The following FAM91A1 variants were observed in gnomAD, a reference collection of about 807,000 sequenced individuals.
The protein encoded by FAM91A1 is family with sequence similarity 91 member A1.
A neutral mutation model predicts 113.5 loss-of-function variants in FAM91A1; 41 were observed. That is an observed-to-expected ratio of 0.36 (90% CI 0.28 to 0.47). The LOEUF (loss-of-function observed/expected upper bound fraction) is 0.47. Ranked by LOEUF, FAM91A1 falls within the 20% of genes least tolerant of loss-of-function variation. The pLI, the probability that FAM91A1 is intolerant of heterozygous loss-of-function variation, is 1.00. For synonymous variants in FAM91A1, 307 were observed against 347.9 expected (o/e 0.88, Z 1.31); for missense variants, 696 against 1,001.2 (o/e 0.70, Z 4.11).
At chr8:123,780,350 A>G in intron 7 of FAM91A1, 130 bp from the exon 8 acceptor site, 1 of 779,650 alleles carries the variant, frequency 1.3e-6, no homozygotes, top group Non-Finnish European at 2.0e-6. Context: ...TTTCTCTTCT[A>G]TTTTACTTTT....
chr8:123,786,786 A>T (rs954491004), intron 12 of FAM91A1, among the ~76,000 whole-genome samples, 176 bp downstream of exon 12: 1 of 152,244 alleles, frequency 6.6e-6, no homozygotes, highest in African/African-American at 2.4e-5. Flanking sequence ...AACTGACAAG[A>T]ATATGGTACC....
chr8:123,808,244 A>G, intron 20 of FAM91A1, 28 bp from the exon 21 acceptor site: 1 of 1,574,692 alleles, frequency 6.4e-7, no homozygotes, highest in Non-Finnish European at 8.7e-7. Flanking sequence ...CTAGAATCCT[A>G]ATATTGTGTA....
chr8:123,782,225 G>A (rs1458061232), intron 8 of FAM91A1, among the ~76,000 whole-genome samples: 1 of 152,166 alleles, frequency 6.6e-6, no homozygotes, highest in Admixed American at 6.6e-5. Context: ...GTAGCTGCTG[G>A]TATTTGGTGG....
chr8:123,786,505 G>C lies in FAM91A1; in HGVS notation c.973G>C (p.Asp325His). The C allele has an allele frequency of 6.2e-7, 1 of 1,612,736 alleles. No individual in the cohort carries two copies. The highest frequency in any genetic ancestry group is 8.5e-7 in the Non-Finnish European group (1 of 1,179,204). The stretch of plus-strand genomic sequence containing the variant: ...ATTCTTCATTAATAGGAGTACCTTA[G>C]ATCCACAGAAGATGCTCTTGTCATG... ...PSVNRLKSTL[D>H]PQKMLLSWDG... The change falls in exon 12 of 24, where the codon GAT becomes CAT. Residue 325 changes from aspartate to histidine, a missense_variant. Transcript: ENST00000334705.
intron 10 of FAM91A1, 21 bp downstream of exon 10, chr8:123,785,140 T>A (rs1228089309): frequency 6.4e-7 from 1 of 1,572,522 alleles, no homozygotes; most frequent in African/African-American, 1.4e-5. Context: ...TTTATACTCA[T>A]TTACTGGTGA....
In FAM91A1 at chr8:123,812,654, A is replaced by G; in HGVS notation, c.2467A>G (p.Ser823Gly). 1.9e-6 allele frequency: 3 copies of G among 1,608,518 alleles called. No homozygotes were observed. The highest frequency in any genetic ancestry group is 2.5e-6 in the Non-Finnish European group (3 of 1,177,922). The change falls in exon 24 of 24, where the codon AGT becomes GGT. Residue 823 changes from serine (S) to glycine (G), a missense_variant. By Grantham distance (56) the Ser-to-Gly change is moderately conservative (BLOSUM62 0). Coordinates refer to ENST00000334705, the MANE Select transcript of FAM91A1 (RefSeq NM_144963.4). Reference sequence around the variant, plus strand: ...TAAAGATGGTGTCTTATCAGAATGGAGTGGACGGTCACCTTCCTCACTTCT... The same window carrying G: ...TAAAGATGGTGTCTTATCAGAATGGGGTGGACGGTCACCTTCCTCACTTCT... ...IFKDGVLSEW[S>G]GRSPSSLLIA...
chr8:123,791,028 C>G (rs1214774212), intron 15 of FAM91A1, among the ~76,000 whole-genome samples: 1 of 152,092 alleles, frequency 6.6e-6, no homozygotes, highest in Non-Finnish European at 1.5e-5. Context: ...ATTTCTGGGA[C>G]TTTTTAGTGA....
intron 8 of FAM91A1, among the ~76,000 whole-genome samples, chr8:123,782,508 TTAAA>T (rs1177215175): frequency 3.3e-5 from 5 of 152,228 alleles, no homozygotes; most frequent in African/African-American, 1.2e-4. Flanking sequence ...GGCTCTATTA[TTAAA>T]TAAATTTATT....
At chr8:123,805,189 C>A in intron 18 of FAM91A1, 78 bp from the exon 19 acceptor site, 1 of 1,144,678 alleles carries the variant, frequency 8.7e-7, no homozygotes, top group Non-Finnish European at 1.3e-6. Flanking sequence ...TTACATGACA[C>A]AATCTTATTT....
At chr8:123,789,839 T>TA in intron 15 of FAM91A1, 94 bp downstream of exon 15, 1 of 1,417,530 alleles carries the variant, frequency 7.1e-7, no homozygotes, top group Non-Finnish European at 9.5e-7. Context: ...AATCATCACT[T>TA]ACGTATTTTG....
At chr8:123,786,940 GAGA>G (rs1366009883) in intron 12 of FAM91A1, among the ~76,000 whole-genome samples, 6 of 152,146 alleles carry the variant, frequency 3.9e-5, no homozygotes, top group Non-Finnish European at 8.8e-5. Flanking sequence ...AGCCTTCACA[GAGA>G]AGATGTTATT....
At chr8:123,785,602 A>T in intron 10 of FAM91A1, 27 bp from the exon 11 acceptor site, 2 of 1,417,720 alleles carry the variant, frequency 1.4e-6, no homozygotes, top group Non-Finnish European at 2.0e-6. Flanking sequence ...TTTAAATGGT[A>T]ATTAGTTTCC....
intron 8 of FAM91A1, 127 bp from the exon 9 acceptor site, chr8:123,784,343 T>G: frequency 3.3e-6 from 2 of 613,810 alleles, no homozygotes; most frequent in South Asian, 4.1e-5. Context: ...ATGGAGTGGA[T>G]AAATAAATCA....
intron 3 of FAM91A1, 57 bp from the exon 4 acceptor site, chr8:123,777,208 A>G: frequency 4.4e-6 from 5 of 1,142,448 alleles, no homozygotes; most frequent in South Asian, 1.3e-5. Flanking sequence ...GTATTTATAC[A>G]CATTTTTATT....
At chr8:123,786,729 A>C (rs1815268147) in intron 12 of FAM91A1, 119 bp downstream of exon 12, 1 of 782,246 alleles carries the variant, frequency 1.3e-6, no homozygotes, top group African/African-American at 1.7e-5. Context: ...GCAGTCTTTG[A>C]GTGTTTTACT....
Position 123,812,624 on chromosome 8 carries a change from A to G in FAM91A1, c.2437A>G (p.Ile813Val), listed in dbSNP as rs767056548. 9.3e-6 allele frequency: 15 copies of G among 1,612,326 alleles called. No homozygotes were observed. The South Asian group carries it at 1.5e-4, about 17-fold the overall frequency. The change falls in exon 24 of 24, where the codon ATA becomes GTA. Residue 813 changes from isoleucine to valine, a missense_variant. By Grantham distance (29) the Ile-to-Val change is conservative. Coordinates refer to ENST00000334705, the MANE Select transcript of FAM91A1 (RefSeq NM_144963.4). ...TGTTCCACTTCCTGCAAAAAACTTA[A>G]TATTTAAAGATGGTGTCTTATCAGA... ...MGVPLPAKNL[I>V]FKDGVLSEWS...
chr8:123,785,968 C>T, intron 11 of FAM91A1: 1 of 459,618 alleles, frequency 2.2e-6, no homozygotes, highest in Non-Finnish European at 4.1e-6. Context: ...TAGGTGTGCA[C>T]CACCATGCCC....
intron 20 of FAM91A1, among the ~76,000 whole-genome samples, chr8:123,807,498 A>G (rs1355604277): frequency 2.0e-5 from 3 of 151,604 alleles, no homozygotes; most frequent in Non-Finnish European, 2.9e-5. Context: ...AAAAAAAAAA[A>G]AAAAGAAACA....
At position 123,804,490 on chromosome 8, in the gene FAM91A1, T is replaced by TAAAAAAAA. The variant is rs57808944; in HGVS notation, c.1810-753_1810-746dup. 2.7e-5 allele frequency among the ~76,000 whole-genome samples: 2 copies of TAAAAAAAA among 73,834 alleles called. 1 individual carries two copies. Among genetic ancestry groups the TAAAAAAAA allele is most frequent in the African/African-American group, 1.1e-4 (2 of 18,338 alleles). The allele number at this position is 73,834 out of a possible 152,430, so 48.4% of individuals were successfully genotyped here. ...TGAGTAACAGAGCAAGACTCTGTTTTAAAAAAAAAAAAAAAAAAAAAAAAA... is the reference window on the plus strand; with the variant it reads ...TGAGTAACAGAGCAAGACTCTGTTTTAAAAAAAAAAAAAAAAAAAAAAAAAAAAAAAAA... On this transcript the variant is annotated intron_variant, in intron 18 of 23. Transcript: ENST00000334705.
Sources: allele counts gnomAD v4.1 joint callset (sites outside exome capture counted in the v4.1 genomes callset), GRCh38; gene constraint gnomAD v4.1.1; transcripts MANE v1.5; gene names NCBI Gene and HGNC (gene_info 2026-07-23, HGNC 2026-07-21).